Variants in NSMAF observed in about 807,000 individuals in gnomAD.
The protein encoded by NSMAF is protein FAN.
NSMAF carries 90 observed loss-of-function variants against 134.9 expected under a neutral mutation model. That is an observed-to-expected ratio of 0.67 (90% CI 0.56 to 0.79). NSMAF has a LOEUF of 0.79. Ranked by LOEUF, NSMAF falls within the 30% of genes least tolerant of loss-of-function variation. NSMAF has a pLI of 0.00. For synonymous variants in NSMAF, 358 were observed against 389.6 expected, an observed-to-expected ratio of 0.92 and a Z score of 0.96; for missense variants, 1,010 against 1,119.0, an observed-to-expected ratio of 0.90 and a Z score of 1.39.
chr8:58,623,158 T>A, intron 9 of NSMAF, 62 bp downstream of exon 9: 1 of 1,248,908 alleles, frequency 8.0e-7, no homozygotes, highest in African/African-American at 1.5e-5. Flanking sequence ...ATTTGCTGAA[T>A]GAGGCATACA....
intron 6 of NSMAF, among the ~76,000 whole-genome samples, chr8:58,629,902 C>A (rs892564593): frequency 6.6e-6 from 1 of 152,200 alleles, no homozygotes; most frequent in South Asian, 2.1e-4. Flanking sequence ...CTACCCAGCT[C>A]TCTTTTGTTA....
Position 58,659,670 on chromosome 8 carries a change from G to A in NSMAF, c.-39C>T. On this transcript the variant is annotated 5_prime_UTR_variant, in exon 1 of 31. Transcript: ENST00000038176. The stretch of plus-strand genomic sequence containing the variant: ...GGGCGGGCGCAGAGCGCACAGGCAG[G>A]CCCCGCCGCCGCCTGCCGAGGAGGT... 7.4e-7 allele frequency: 1 copy of A among 1,356,600 alleles called. No individual in the cohort carries two copies. The highest frequency in any genetic ancestry group is 9.5e-7 in the Non-Finnish European group (1 of 1,051,928). 84.0% of individuals were successfully genotyped at this position (1,356,600 alleles called of 1,614,324 possible). A position where few individuals can be genotyped will look rare whatever the true frequency, so the allele number is the denominator to read the frequency against.
chr8:58,628,552 T>C (rs1023388210), intron 6 of NSMAF, among the ~76,000 whole-genome samples: 3 of 152,224 alleles, frequency 2.0e-5, no homozygotes, highest in African/African-American at 7.2e-5. Flanking sequence ...GTCTTTTAAT[T>C]TGTATACCAG....
chr8:58,605,880 C>CAA (rs371910886), intron 12 of NSMAF, 47 bp downstream of exon 12: 7,062 of 1,270,352 alleles, frequency 5.6e-3, no homozygotes, highest in South Asian at 7.8e-3. Flanking sequence ...ACTCAGCCTC[C>CAA]AAAAAAAAAA....
intron 9 of NSMAF, among the ~76,000 whole-genome samples, chr8:58,621,217 C>A (rs950765089): frequency 7.2e-5 from 11 of 152,148 alleles, no homozygotes; most frequent in African/African-American, 2.7e-4. Flanking sequence ...TCTATTCCCA[C>A]ATTAATTTGC....
intron 1 of NSMAF, among the ~76,000 whole-genome samples, chr8:58,654,214 C>T (rs532478516): frequency 2.0e-5 from 3 of 152,298 alleles, no homozygotes; most frequent in Admixed American, 6.5e-5. Context: ...AAAGATTAAA[C>T]CGAAGTACCA....
At chr8:58,643,122 T>G in intron 1 of NSMAF, 49 bp from the exon 2 acceptor site, 1 of 1,337,752 alleles carries the variant, frequency 7.5e-7, no homozygotes, top group Non-Finnish European at 1.1e-6. Flanking sequence ...TTAGTAAGTA[T>G]AAGAAGGCAA....
At chr8:58,619,137 C>T (rs1230587460) in intron 9 of NSMAF, among the ~76,000 whole-genome samples, 1 of 152,152 alleles carries the variant, frequency 6.6e-6, no homozygotes, top group Non-Finnish European at 1.5e-5. Context: ...CTAAGCAATT[C>T]ACTTACCTAA....
At chr8:58,651,684 TAAAG>T (rs1056777506) in intron 1 of NSMAF, among the ~76,000 whole-genome samples, 4 of 152,188 alleles carry the variant, frequency 2.6e-5, no homozygotes, top group Non-Finnish European at 5.9e-5. Context: ...ATCAAGAAGT[TAAAG>T]AAGGAAGTTC....
chr8:58,629,258 A>C (rs1807004094), intron 6 of NSMAF, among the ~76,000 whole-genome samples: 1 of 151,998 alleles, frequency 6.6e-6, no homozygotes, highest in South Asian at 2.1e-4. Flanking sequence ...TGACTGGATA[A>C]TTTCAAAAGA....
chr8:58,653,532 G>A (rs1038326384), intron 1 of NSMAF, among the ~76,000 whole-genome samples: 1 of 151,706 alleles, frequency 6.6e-6, no homozygotes, highest in Non-Finnish European at 1.5e-5. Flanking sequence ...AACTGATATA[G>A]CTATATTAAT....
At chr8:58,647,594 CA>C (rs140614316) in intron 1 of NSMAF, among the ~76,000 whole-genome samples, 4,113 of 152,202 alleles carry the variant, frequency 0.027, 203 homozygotes, top group African/African-American at 0.093. Context: ...AATGAGTTCA[CA>C]ATCTGTTCAC....
chr8:58,640,545 A>T (rs1295693402), intron 2 of NSMAF, among the ~76,000 whole-genome samples: 1 of 135,624 alleles, frequency 7.4e-6, no homozygotes, highest in Non-Finnish European at 1.7e-5. Flanking sequence ...TAACAACAAT[A>T]TTGCAACTGG....
chr8:58,618,514 A>T (rs1344409389), intron 9 of NSMAF, among the ~76,000 whole-genome samples: 1 of 152,030 alleles, frequency 6.6e-6, no homozygotes, highest in Non-Finnish European at 1.5e-5. Context: ...TTATGGGAGA[A>T]GTGTTATGAT....
At chr8:58,658,294 T>C (rs763615757) in intron 1 of NSMAF, among the ~76,000 whole-genome samples, 1 of 152,250 alleles carries the variant, frequency 6.6e-6, no homozygotes, top group Non-Finnish European at 1.5e-5. Flanking sequence ...TAGTTAGGGC[T>C]CAGTTATTTA....
chr8:58,645,788 C>G lies in NSMAF; in HGVS notation c.60-2715G>C, dbSNP rs146647649. On this transcript the variant is annotated intron_variant, in intron 1 of 30. Coordinates refer to ENST00000038176, the MANE Select transcript of NSMAF (RefSeq NM_003580.4). ...AGGCGCAGCGGCTCACACCTGTAAT[C>G]CCAGCACTTCGGGAGGCCAAGGCGG... Among the ~76,000 whole-genome samples, 365 of 152,272 alleles carry G rather than the reference C, an allele frequency of 2.4e-3. 8 individuals are homozygous for G. The East Asian group carries it at 0.059, about 24-fold the overall frequency.
At chr8:58,601,034 T>C (rs1806266867) in intron 16 of NSMAF, 1 of 329,250 alleles carries the variant, frequency 3.0e-6, no homozygotes, top group Non-Finnish European at 5.5e-6. Flanking sequence ...GAATATCTAA[T>C]AATATGGGAA....
chr8:58,654,009 T>C (rs1221266667), intron 1 of NSMAF, among the ~76,000 whole-genome samples: 2 of 152,202 alleles, frequency 1.3e-5, no homozygotes, highest in African/African-American at 4.8e-5. Context: ...GCAACATTTA[T>C]TTCCTCTCCC....
chr8:58,624,457 T>A (rs925453091), intron 6 of NSMAF, among the ~76,000 whole-genome samples: 30 of 152,184 alleles, frequency 2.0e-4, no homozygotes, highest in African/African-American at 6.8e-4. Flanking sequence ...TTTTGGTATA[T>A]CATGTTTTCA....
Sources: gnomAD v4.1 joint callset for allele counts (sites outside exome capture counted in the v4.1 genomes callset) on GRCh38, gnomAD v4.1.1 for gene constraint, MANE v1.5 for transcripts, NCBI Gene and HGNC (gene_info 2026-07-23, HGNC 2026-07-21) for gene names.